Variants in LAMA2 observed in about 807,000 individuals in gnomAD.
The protein encoded by LAMA2 is laminin subunit alpha-2.
In LAMA2, 269 loss-of-function variants were observed where a neutral mutation model predicts 364.8. The ratio of observed to expected loss-of-function variants is 0.74; its 90% CI spans 0.67 to 0.82. The LOEUF (loss-of-function observed/expected upper bound fraction) is 0.82, where lower values mean the gene tolerates loss of function less well. LAMA2 is among the 40% of genes least tolerant of loss of function. The pLI, the probability that LAMA2 is intolerant of heterozygous loss-of-function variation, is 0.00. For missense variants in LAMA2, 3,807 were observed against 3,873.2 expected, an observed-to-expected ratio of 0.98 and a Z score of 0.45; for synonymous variants, 1,379 against 1,370.6, an observed-to-expected ratio of 1.01 and a Z score of -0.14.
At chr6:128,908,867 T>C (rs1253220237) in intron 1 of LAMA2, among the ~76,000 whole-genome samples, 1 of 148,302 alleles carries the variant, frequency 6.7e-6, no homozygotes, top group Non-Finnish European at 1.5e-5. Context: ...AAGAACATCT[T>C]TATTTCTGCC....
intron 40 of LAMA2, among the ~76,000 whole-genome samples, chr6:129,404,306 A>G (rs1780135716): frequency 6.6e-6 from 1 of 152,034 alleles, no homozygotes; most frequent in Admixed American, 6.6e-5. Context: ...AAAAGTAACC[A>G]TTGTATATAA....
At chr6:129,339,716 C>T (rs1347184901) in intron 29 of LAMA2, among the ~76,000 whole-genome samples, 1 of 152,108 alleles carries the variant, frequency 6.6e-6, no homozygotes, top group African/African-American at 2.4e-5. Flanking sequence ...CTTAAAGAAG[C>T]CATGGGGGCT....
intron 9 of LAMA2, among the ~76,000 whole-genome samples, chr6:129,173,864 G>T (rs533364096): frequency 3.1e-4 from 47 of 152,176 alleles, no homozygotes; most frequent in African/African-American, 1.1e-3. Context: ...TTTCTTCTCT[G>T]ATTTTTCTTT....
At chr6:129,457,542 A>G (rs1783032786) in intron 48 of LAMA2, among the ~76,000 whole-genome samples, 1 of 152,104 alleles carries the variant, frequency 6.6e-6, no homozygotes. Flanking sequence ...GAAAAGAATG[A>G]TAAAAATATC....
chr6:129,353,165 T>C lies in LAMA2; in HGVS notation c.4525T>C (p.Cys1509Arg), dbSNP rs1332953905. The change falls in exon 32 of 65, where the codon TGT (cysteine) becomes CGT (arginine). Residue 1509 changes from cysteine to arginine, a missense_variant and splice_region_variant. By Grantham distance (180) the Cys-to-Arg change is radical. Coordinates refer to ENST00000421865, the MANE Select transcript of LAMA2 (RefSeq NM_000426.4). ...RGYEGQYCER[C>R]APGYTGSPGN... ...TGCTTTGTCACTGTTTCAATTCAGG[T>C]GTGCCCCTGGCTATACTGGCAGTCC... 6.2e-7 allele frequency: 1 copy of C among 1,612,262 alleles called. No individual in the cohort carries two copies. The highest frequency in any genetic ancestry group is 8.5e-7 in the Non-Finnish European group (1 of 1,178,532).
Position 129,146,937 on chromosome 6 carries a change from C to G in LAMA2, c.820-22C>G, listed in dbSNP as rs199704483. 5.4e-6 allele frequency: 8 copies of G among 1,476,458 alleles called. No individual in the cohort carries two copies. In the East Asian group the frequency reaches 9.0e-5, roughly 17 times the overall value. 91.5% of individuals were successfully genotyped at this position (1,476,458 alleles called of 1,614,324 possible). A position where few individuals can be genotyped will look rare whatever the true frequency, so the allele number is the denominator to read the frequency against. The stretch of plus-strand genomic sequence containing the variant: ...CCTTGCAGTCATCTTAACAGGATTT[C>G]TCTCTGGATTGCTTTTTGCAGTATT... On this transcript the variant is annotated intron_variant, in intron 5 of 64. Transcript: ENST00000421865.
At chr6:129,419,309 T>A (rs958091381) in intron 40 of LAMA2, among the ~76,000 whole-genome samples, 4 of 152,176 alleles carry the variant, frequency 2.6e-5, no homozygotes, top group Non-Finnish European at 5.9e-5. Context: ...TACCTGCTCT[T>A]TATGATTTCT....
chr6:128,908,512 T>A (rs1157354486), intron 1 of LAMA2, among the ~76,000 whole-genome samples: 5 of 147,868 alleles, frequency 3.4e-5, no homozygotes, highest in African/African-American at 1.3e-4. Flanking sequence ...TGCGTCTATT[T>A]GATTCTTCTC....
intron 58 of LAMA2, among the ~76,000 whole-genome samples, chr6:129,499,072 G>A (rs1397481593): frequency 2.6e-5 from 4 of 151,968 alleles, no homozygotes; most frequent in Non-Finnish European, 2.9e-5. Flanking sequence ...ACCACCACGC[G>A]AGACTCCCCA....
chr6:129,238,164 C>A (rs1785127870), intron 12 of LAMA2, among the ~76,000 whole-genome samples: 1 of 148,618 alleles, frequency 6.7e-6, no homozygotes. Flanking sequence ...CAGAGCAAGA[C>A]TCCATCTCAA....
At chr6:129,183,913 G>A (rs977749995) in intron 10 of LAMA2, among the ~76,000 whole-genome samples, 8 of 151,892 alleles carry the variant, frequency 5.3e-5, no homozygotes, top group African/African-American at 1.7e-4. Context: ...AAAGAAGGAA[G>A]GAAGAGAACT....
intron 3 of LAMA2, among the ~76,000 whole-genome samples, chr6:129,066,385 C>T (rs1334148104): frequency 6.6e-6 from 1 of 152,008 alleles, no homozygotes; most frequent in Non-Finnish European, 1.5e-5. Context: ...CAGACTAATA[C>T]AGAGATGAAA....
intron 40 of LAMA2, among the ~76,000 whole-genome samples, chr6:129,426,347 T>TA (rs1252241169): frequency 6.6e-6 from 1 of 152,168 alleles, no homozygotes; most frequent in Non-Finnish European, 1.5e-5. Flanking sequence ...AGAAAACCTA[T>TA]AACCAAGGGA....
chr6:129,146,969 C>T lies in LAMA2; in HGVS notation c.830C>T (p.Ser277Leu), dbSNP rs398123388. The change falls in exon 6 of 65, where the codon TCG (serine) becomes TTG (leucine). Residue 277 changes from serine to leucine, a missense_variant. Ser to Leu is a moderately radical substitution (Grantham distance 145). Around this residue, in one of 3 missense-constraint regions of LAMA2, gnomAD observed 394 missense variants for 403.5 expected, o/e 0.98. Coordinates refer to ENST00000421865, the MANE Select transcript of LAMA2 (RefSeq NM_000426.4). Reference sequence around the variant, plus strand: ...GATTGCTTTTTGCAGTATTACTACTCGGTCAAGGATATTTCAGTTGGAGGG... The same window carrying T: ...GATTGCTTTTTGCAGTATTACTACTTGGTCAAGGATATTTCAGTTGGAGGG... Reference protein sequence around the residue: ...DPIVTRRYYYSVKDISVGGMC... With the variant: ...DPIVTRRYYYLVKDISVGGMC... The T allele has an allele frequency of 1.1e-5, 17 of 1,607,586 alleles. No homozygotes were observed. Among genetic ancestry groups the T allele is most frequent in the Admixed American group, 1.7e-5 (1 of 59,906 alleles).
chr6:129,158,057 C>T (rs1054297238), intron 8 of LAMA2: 7 of 1,612,244 alleles, frequency 4.3e-6, no homozygotes, highest in African/African-American at 2.7e-5. Flanking sequence ...CAATTGCGGG[C>T]TTTCCTTGGG....
intron 40 of LAMA2, among the ~76,000 whole-genome samples, chr6:129,412,238 G>A (rs1780573361): frequency 6.6e-6 from 1 of 152,146 alleles, no homozygotes; most frequent in Non-Finnish European, 1.5e-5. Context: ...AGGCAGTTTG[G>A]AGGCAGAATT....
chr6:129,023,260 C>G lies in LAMA2; in HGVS notation c.113-26658C>G, dbSNP rs78182678. ...TGGCATTTAACATGTCTTTTCACTC[C>G]ATCTTTCTTTGGGGACTCTCTTCCA... On this transcript the variant is annotated intron_variant, in intron 1 of 64. Coordinates refer to ENST00000421865, the MANE Select transcript of LAMA2 (RefSeq NM_000426.4). Among the ~76,000 whole-genome samples, 15 of 152,186 alleles carry G rather than the reference C, an allele frequency of 9.9e-5. 1 individual carries two copies. In the Middle Eastern group the frequency reaches 0.01, roughly 104 times the overall value.
intron 4 of LAMA2, among the ~76,000 whole-genome samples, chr6:129,130,948 T>C (rs1777436968): frequency 6.6e-6 from 1 of 152,208 alleles, no homozygotes; most frequent in South Asian, 2.1e-4. Flanking sequence ...AAAACAACTC[T>C]TAAGCCCAAC....
At chr6:129,363,689 G>A (rs944549011) in intron 32 of LAMA2, among the ~76,000 whole-genome samples, 23 of 152,176 alleles carry the variant, frequency 1.5e-4, no homozygotes, top group Non-Finnish European at 2.1e-4. Context: ...AGAGAAACCA[G>A]GTGATCAAAT....
Sources: allele counts gnomAD v4.1 joint callset (sites outside exome capture counted in the v4.1 genomes callset), GRCh38; gene constraint gnomAD v4.1.1; regional missense constraint gnomAD v4.1.1; transcripts MANE v1.5; gene names NCBI Gene and HGNC (gene_info 2026-07-23, HGNC 2026-07-21).